ALG9: variants seen among roughly 807,000 people sequenced by gnomAD.
ALG9 encodes alpha-1,2-mannosyltransferase ALG9.
In ALG9, 55 loss-of-function variants were observed where a neutral mutation model predicts 81.8. That is an observed-to-expected ratio of 0.67 (90% CI 0.54 to 0.84). The LOEUF (loss-of-function observed/expected upper bound fraction) is 0.84. Among genes scored for constraint, ALG9 ranks in the 40% least tolerant of loss-of-function variants. The probability of loss-of-function intolerance (pLI) is 0.00; values close to 1 mark genes in which losing one functional copy is unlikely to be tolerated. For missense variants in ALG9, 629 were observed against 745.0 expected (o/e 0.84, Z 1.81); for synonymous variants, 278 against 274.3 (o/e 1.01, Z -0.13).
chr11:111,781,009 A>G (rs1945903471), downstream of ALG9, among the ~76,000 whole-genome samples: 1 of 152,218 alleles, frequency 6.6e-6, no homozygotes, highest in Non-Finnish European at 1.5e-5. Flanking sequence ...GAAGTCTAGA[A>G]AGCCTTCTTA....
intron 14 of ALG9, chr11:111,805,179 TAAG>T (rs1214752654): frequency 9.0e-6 from 4 of 444,676 alleles, no homozygotes; most frequent in East Asian, 7.0e-5. Context: ...AATGTCCTTA[TAAG>T]AAGAGGCTAG....
At chr11:111,782,181 TAAGAAA>T (rs1316277308), downstream of ALG9, 2 of 152,154 alleles carry the variant, frequency 1.3e-5, no homozygotes, top group African/African-American at 4.8e-5. Flanking sequence ...AATGTCACAT[TAAGAAA>T]AAGAAAATCA....
chr11:111,855,033 G>C (rs1335938053), intron 6 of ALG9, among the ~76,000 whole-genome samples: 4 of 152,194 alleles, frequency 2.6e-5, no homozygotes, highest in Non-Finnish European at 5.9e-5. Flanking sequence ...TGAAAGGAAT[G>C]GAAGAACTGA....
intron 13 of ALG9, among the ~76,000 whole-genome samples, chr11:111,825,208 A>G (rs1181482166): frequency 6.6e-6 from 1 of 152,182 alleles, no homozygotes; most frequent in Non-Finnish European, 1.5e-5. Flanking sequence ...CTTTAGCTCA[A>G]AAAGACTAAA....
At chr11:111,845,543 TA>T (rs1956829943) in intron 8 of ALG9, among the ~76,000 whole-genome samples, 1 of 152,172 alleles carries the variant, frequency 6.6e-6, no homozygotes, top group African/African-American at 2.4e-5. Context: ...GCAAAATCAC[TA>T]AAAACACAAG....
chr11:111,770,296 A>C, the ALG9 span, among the ~76,000 whole-genome samples: 2 of 152,230 alleles, frequency 1.3e-5, no homozygotes, highest in Non-Finnish European at 2.9e-5. Context: ...TCTAGTGTGC[A>C]TTGATACTTG....
chr11:111,863,876 C>T (rs554696809), intron 4 of ALG9, among the ~76,000 whole-genome samples: 11 of 152,204 alleles, frequency 7.2e-5, no homozygotes, highest in East Asian at 3.9e-4. Flanking sequence ...TCTACTAAAT[C>T]CTATCAAGTA....
chr11:111,814,689 T>G (rs1951220653), intron 13 of ALG9: 1 of 152,206 alleles, frequency 6.6e-6, no homozygotes, highest in African/African-American at 2.4e-5. Flanking sequence ...GACTTCAGTC[T>G]CACATCTGTC....
chr11:111,820,947 C>CA (rs1555102979), intron 13 of ALG9, among the ~76,000 whole-genome samples: 1 of 146,814 alleles, frequency 6.8e-6, no homozygotes, highest in Non-Finnish European at 1.5e-5. Flanking sequence ...CACACACACA[C>CA]AAGCCAGGTA....
chr11:111,868,158 C>A (rs1483394567), intron 3 of ALG9, among the ~76,000 whole-genome samples: 1 of 152,166 alleles, frequency 6.6e-6, no homozygotes, highest in African/African-American at 2.4e-5. Context: ...CCAAACAGGA[C>A]AAACCCAAAG....
rs1221394398 is a variant in ALG9 at position 111,785,053 on chromosome 11, C to T, written c.*1344G>A. On this transcript the variant is annotated 3_prime_UTR_variant, in exon 15 of 15. Coordinates refer to ENST00000616540, the MANE Select transcript of ALG9 (RefSeq NM_024740.2). Reference sequence around the variant, plus strand: ...CAATATCAGTTAGGTCTCTGGTTAACCTCATCAGTCCTTTCAAGTAATGTT... The same window carrying T: ...CAATATCAGTTAGGTCTCTGGTTAATCTCATCAGTCCTTTCAAGTAATGTT... 6.6e-6 allele frequency: 1 copy of T among 152,632 alleles called. No individual in the cohort carries two copies. Among genetic ancestry groups the T allele is most frequent in the Admixed American group, 6.5e-5 (1 of 15,278 alleles). The allele number at this position is 152,632 out of a possible 1,614,324, so 9.5% of individuals were successfully genotyped here.
intron 8 of ALG9, chr11:111,849,360 T>G (rs1957412339): frequency 6.6e-6 from 1 of 152,194 alleles, no homozygotes; most frequent in Non-Finnish European, 1.5e-5. Flanking sequence ...CTTCAATGTT[T>G]CTTTAACTGA....
At chr11:111,788,803 G>A (rs1946890821) in intron 14 of ALG9, among the ~76,000 whole-genome samples, 2 of 151,940 alleles carry the variant, frequency 1.3e-5, no homozygotes, top group Admixed American at 1.3e-4. Context: ...TAAGGTGAAG[G>A]GTAAAGGGTA....
Position 111,857,609 on chromosome 11 carries a change from C to T in ALG9, c.694G>A (p.Ala232Thr), listed in dbSNP as rs36111204. 2 of 1,614,126 alleles carry T rather than the reference C, an allele frequency of 1.2e-6. No homozygotes were observed. The highest frequency in any genetic ancestry group is 1.7e-5 in the Admixed American group (1 of 60,010). ...GAACTGTTAGTTTCTTACCCAAGAG[C>T]TGCACTGAATGGCCAGCCTAAGATA... is the stretch of plus-strand genomic sequence containing the variant. ...GAILGWPFSA[A>T]LGLPIAFDLL... Residue 232 changes from alanine to threonine, a missense_variant, in exon 6 of 15, where the codon GCT becomes ACT. Around this residue, in one of 3 missense-constraint regions of ALG9, gnomAD observed 344 missense variants for 390.5 expected, o/e 0.88. Coordinates refer to ENST00000616540, the MANE Select transcript of ALG9 (RefSeq NM_024740.2).
At chr11:111,837,366 T>C in intron 12 of ALG9, 102 bp downstream of exon 12, 1 of 1,365,854 alleles carries the variant, frequency 7.3e-7, no homozygotes, top group East Asian at 2.3e-5. Flanking sequence ...TCAATAACTC[T>C]CTGTGAAAAC....
chr11:111,799,643 G>T (rs1302542479), intron 14 of ALG9, among the ~76,000 whole-genome samples: 1 of 152,182 alleles, frequency 6.6e-6, no homozygotes, highest in East Asian at 1.9e-4. Flanking sequence ...ATATATCTAT[G>T]TATCTTCTTT....
intron 10 of ALG9, among the ~76,000 whole-genome samples, chr11:111,840,093 A>T (rs1187509078): frequency 6.6e-6 from 1 of 152,236 alleles, no homozygotes; most frequent in Non-Finnish European, 1.5e-5. Flanking sequence ...TTTGTGAATT[A>T]TATCTCAAAA....
At chr11:111,798,350 T>C (rs1481399275) in intron 14 of ALG9, among the ~76,000 whole-genome samples, 3 of 152,124 alleles carry the variant, frequency 2.0e-5, no homozygotes, top group Non-Finnish European at 4.4e-5. Flanking sequence ...TCCCAACTTG[T>C]TTCCGAAGCT....
intron 2 of ALG9, among the ~76,000 whole-genome samples, chr11:111,869,910 C>G (rs2137287601): frequency 6.6e-6 from 1 of 152,210 alleles, no homozygotes; most frequent in Non-Finnish European, 1.5e-5. Flanking sequence ...CTCCCATGAT[C>G]AAGCATTTCT....
Sources: allele counts gnomAD v4.1 joint callset (sites outside exome capture counted in the v4.1 genomes callset), GRCh38; gene constraint gnomAD v4.1.1; regional missense constraint gnomAD v4.1.1; transcripts MANE v1.5; gene names NCBI Gene and HGNC (gene_info 2026-07-23, HGNC 2026-07-21).